GALNTL6: variants seen among roughly 807,000 people sequenced by gnomAD.
GALNTL6 encodes the protein polypeptide N-acetylgalactosaminyltransferase like 6.
A neutral mutation model predicts 73.7 loss-of-function variants in GALNTL6; 46 were observed. The observed-to-expected ratio is 0.62, with a 90% CI of 0.49 to 0.80. The LOEUF (loss-of-function observed/expected upper bound fraction) is 0.80, where lower values mean the gene tolerates loss of function less well. Among genes scored for constraint, GALNTL6 ranks in the 30% least tolerant of loss-of-function variants. The pLI is 0.00. For missense variants in GALNTL6, 604 were observed against 755.0 expected (o/e 0.80, Z 2.34); for synonymous variants, 259 against 263.7 (o/e 0.98, Z 0.17).
chr4:172,060,344 A>G (rs1560905366), intron 2 of GALNTL6, among the ~76,000 whole-genome samples: 1 of 152,180 alleles, frequency 6.6e-6, no homozygotes, highest in Non-Finnish European at 1.5e-5. Context: ...ATATATACAT[A>G]TGCACATACA....
At chr4:172,718,011 A>G (rs1735214428) in intron 5 of GALNTL6, among the ~76,000 whole-genome samples, 1 of 152,238 alleles carries the variant, frequency 6.6e-6, no homozygotes, top group Non-Finnish European at 1.5e-5. Context: ...TAGTTTCAAA[A>G]TTATAAATGT....
At chr4:172,198,872 T>C (rs750823227) in intron 2 of GALNTL6, among the ~76,000 whole-genome samples, 31 of 152,072 alleles carry the variant, frequency 2.0e-4, no homozygotes, top group Non-Finnish European at 4.1e-4. Flanking sequence ...ATTCCCAAAA[T>C]GTATTTTTTT....
At chr4:172,062,734 C>T (rs924279935) in intron 2 of GALNTL6, among the ~76,000 whole-genome samples, 7 of 152,126 alleles carry the variant, frequency 4.6e-5, no homozygotes, top group Non-Finnish European at 8.8e-5. Context: ...GGCCTTTTGC[C>T]CTGTGCTCCA....
At chr4:172,676,955 A>ATTC (rs887221434) in intron 5 of GALNTL6, among the ~76,000 whole-genome samples, 5 of 152,156 alleles carry the variant, frequency 3.3e-5, no homozygotes, top group African/African-American at 1.2e-4. Context: ...AGCCAGTAGT[A>ATTC]TTCTTCTTCT....
At chr4:172,787,702 C>G (rs1739740147) in intron 5 of GALNTL6, among the ~76,000 whole-genome samples, 1 of 152,100 alleles carries the variant, frequency 6.6e-6, no homozygotes, top group Non-Finnish European at 1.5e-5. Flanking sequence ...GGGAGGGTCT[C>G]TGGGGAACAA....
chr4:171,967,455 T>TTTTTG (rs1560863190), intron 2 of GALNTL6, among the ~76,000 whole-genome samples: 5 of 146,722 alleles, frequency 3.4e-5, no homozygotes, highest in African/African-American at 4.9e-5. Flanking sequence ...GGGTTTTTTT[T>TTTTTG]TTTTTTTTTT....
At chr4:172,340,988 C>T (rs1012274023) in intron 4 of GALNTL6, among the ~76,000 whole-genome samples, 5 of 152,208 alleles carry the variant, frequency 3.3e-5, no homozygotes, top group African/African-American at 7.2e-5. Flanking sequence ...CCACCTTGGT[C>T]GCCTGGACTC....
At chr4:173,025,521 C>T (rs1753195553) in intron 12 of GALNTL6, among the ~76,000 whole-genome samples, 1 of 152,140 alleles carries the variant, frequency 6.6e-6, no homozygotes, top group African/African-American at 2.4e-5. Flanking sequence ...ACATCTTACC[C>T]CTGGGTTATT....
intron 11 of GALNTL6, 129 bp from the exon 12 acceptor site, chr4:173,021,347 G>A: frequency 1.1e-6 from 1 of 915,378 alleles, no homozygotes. Flanking sequence ...GTTAGGCTGA[G>A]ACTTAGCTCT....
chr4:172,496,962 T>A (rs933040899), intron 5 of GALNTL6, among the ~76,000 whole-genome samples: 1 of 152,248 alleles, frequency 6.6e-6, no homozygotes, highest in Non-Finnish European at 1.5e-5. Flanking sequence ...CATGTTCAGT[T>A]AGTTTTCAAT....
At chr4:172,398,283 T>C (rs1021632001) in intron 5 of GALNTL6, among the ~76,000 whole-genome samples, 4 of 152,194 alleles carry the variant, frequency 2.6e-5, no homozygotes, top group Non-Finnish European at 5.9e-5. Flanking sequence ...TAAGAAGTGA[T>C]CTTGATGGAC....
intron 5 of GALNTL6, among the ~76,000 whole-genome samples, chr4:172,608,952 T>G (rs908901932): frequency 1.3e-5 from 2 of 152,148 alleles, no homozygotes; most frequent in African/African-American, 4.8e-5. Flanking sequence ...ATAGAAATGC[T>G]ACTAATTTTT....
rs1402092989 is a variant in GALNTL6 at position 172,713,695 on chromosome 4, G to C, written c.554-95666G>C. 2.0e-5 allele frequency among the ~76,000 whole-genome samples: 3 copies of C among 152,010 alleles called. No individual in the cohort carries two copies. The East Asian group carries it at 5.8e-4, about 29-fold the overall frequency. On this transcript the variant is annotated intron_variant, in intron 5 of 12. Coordinates refer to ENST00000506823, the MANE Select transcript of GALNTL6 (RefSeq NM_001034845.3). ...AGATTTCCCTCAAGTCAGAAACCAG[G>C]GAGTCTGCCTATGCCCATTCTTCTC...
At chr4:171,864,455 T>G (rs973076855) in intron 2 of GALNTL6, among the ~76,000 whole-genome samples, 1 of 152,206 alleles carries the variant, frequency 6.6e-6, no homozygotes, top group Non-Finnish European at 1.5e-5. Flanking sequence ...GAAATTTTAT[T>G]TCAGGGTACA....
intron 2 of GALNTL6, among the ~76,000 whole-genome samples, chr4:172,215,296 A>G (rs368373269): frequency 3.9e-5 from 6 of 152,160 alleles, no homozygotes; most frequent in East Asian, 1.9e-4. Flanking sequence ...GGTCAACTCT[A>G]TCTTTACTAG....
intron 4 of GALNTL6, among the ~76,000 whole-genome samples, chr4:172,326,484 T>A (rs1740947014): frequency 6.6e-6 from 1 of 152,010 alleles, no homozygotes; most frequent in East Asian, 1.9e-4. Context: ...TTCTTTGCTT[T>A]GAAATTCATT....
intron 2 of GALNTL6, among the ~76,000 whole-genome samples, chr4:172,182,942 G>A (rs975466215): frequency 3.3e-5 from 5 of 151,938 alleles, no homozygotes; most frequent in African/African-American, 7.3e-5. Flanking sequence ...GAACGCATTC[G>A]CTCAAGGCCT....
intron 2 of GALNTL6, among the ~76,000 whole-genome samples, chr4:172,065,916 A>G (rs1300699274): frequency 6.6e-6 from 1 of 151,504 alleles, no homozygotes; most frequent in Admixed American, 6.6e-5. Flanking sequence ...GCATGGGGGA[A>G]CCTCCCCCAT....
rs147874680 is a variant in GALNTL6 at position 172,962,187 on chromosome 4, G to A, written c.1371+9929G>A. Among the ~76,000 whole-genome samples, 78 of 152,308 alleles carry A rather than the reference G, an allele frequency of 5.1e-4. 1 individual carries two copies. In the East Asian group the frequency reaches 0.015, roughly 29 times the overall value. On this transcript the variant is annotated intron_variant, in intron 10 of 12. Transcript: ENST00000506823. ...CCAGGTAATGTCATCAGTTAAGGCA[G>A]GAACAGGCCATTTTCACTTCTTTTG...
Sources: gnomAD v4.1 joint callset for allele counts (sites outside exome capture counted in the v4.1 genomes callset) on GRCh38, gnomAD v4.1.1 for gene constraint, MANE v1.5 for transcripts, NCBI Gene and HGNC (gene_info 2026-07-23, HGNC 2026-07-21) for gene names.